Variants in ANKS1B observed in about 807,000 individuals in gnomAD.
ANKS1B encodes ankyrin repeat and sterile alpha motif domain containing 1B.
In ANKS1B, 36 loss-of-function variants were observed where a neutral mutation model predicts 148.3. The ratio of observed to expected loss-of-function variants is 0.24; its 90% CI spans 0.19 to 0.32. ANKS1B has a LOEUF of 0.32. ANKS1B is among the 10% of genes least tolerant of loss of function. The pLI is 1.00. For missense variants in ANKS1B, 1,157 were observed against 1,542.6 expected (o/e 0.75, Z 4.19); for synonymous variants, 542 against 560.8 (o/e 0.97, Z 0.47).
chr12:99,006,795 G>A (rs1457551090), intron 17 of ANKS1B, among the ~76,000 whole-genome samples: 2 of 152,228 alleles, frequency 1.3e-5, no homozygotes, highest in African/African-American at 4.8e-5. Flanking sequence ...ACTGTTCTAA[G>A]TACTTTAAAT....
At chr12:99,273,673 GT>G (rs2153990964) in intron 12 of ANKS1B, among the ~76,000 whole-genome samples, 1 of 149,654 alleles carries the variant, frequency 6.7e-6, no homozygotes, top group African/African-American at 2.5e-5. Context: ...ACCCCTCCAG[GT>G]TTAAGCAATT....
intron 16 of ANKS1B, among the ~76,000 whole-genome samples, chr12:99,065,922 C>A (rs536946843): frequency 6.6e-6 from 1 of 151,996 alleles, no homozygotes; most frequent in Non-Finnish European, 1.5e-5. Context: ...GTGGGGGGAT[C>A]GGAAGTACTG....
intron 11 of ANKS1B, among the ~76,000 whole-genome samples, chr12:99,420,152 T>G (rs1272525744): frequency 6.6e-6 from 1 of 152,174 alleles, no homozygotes; most frequent in Non-Finnish European, 1.5e-5. Flanking sequence ...AATCCAGCTC[T>G]CTCAACACTT....
At chr12:99,745,597 T>C (rs2060519643) in intron 8 of ANKS1B, among the ~76,000 whole-genome samples, 1 of 152,168 alleles carries the variant, frequency 6.6e-6, no homozygotes. Flanking sequence ...TAAAATCATT[T>C]TTAATGGTTT....
At chr12:99,446,201 A>G (rs2095635255) in intron 10 of ANKS1B, among the ~76,000 whole-genome samples, 1 of 152,026 alleles carries the variant, frequency 6.6e-6, no homozygotes. Context: ...TTCAGGCAAG[A>G]AAGCTGGAAC....
chr12:99,223,517 T>A (rs916096985), intron 14 of ANKS1B, among the ~76,000 whole-genome samples: 4 of 152,018 alleles, frequency 2.6e-5, no homozygotes, highest in Admixed American at 2.6e-4. Context: ...TAGATTCTCA[T>A]AAGGAGCACA....
At chr12:99,138,759 T>C (rs1263295520) in intron 15 of ANKS1B, among the ~76,000 whole-genome samples, 1 of 152,150 alleles carries the variant, frequency 6.6e-6, no homozygotes. Flanking sequence ...ACCATCTTTG[T>C]TCATTGTTCC....
intron 9 of ANKS1B, among the ~76,000 whole-genome samples, chr12:99,627,868 G>T (rs1184284270): frequency 6.6e-6 from 1 of 152,118 alleles, no homozygotes; most frequent in East Asian, 1.9e-4. Context: ...GAAGGAAATG[G>T]ACCTTAAAGT....
intron 16 of ANKS1B, among the ~76,000 whole-genome samples, chr12:99,069,172 G>C (rs895837034): frequency 2.0e-5 from 3 of 152,122 alleles, no homozygotes; most frequent in Non-Finnish European, 4.4e-5. Flanking sequence ...GTTTGCAGAC[G>C]TTATGCCTCT....
intron 22 of ANKS1B, among the ~76,000 whole-genome samples, chr12:98,790,995 A>G (rs1334155643): frequency 1.3e-5 from 2 of 152,208 alleles, no homozygotes; most frequent in Non-Finnish European, 2.9e-5. Context: ...TTTGAAGACA[A>G]TATGGAATAA....
At chr12:99,657,897 CAAAAA>C (rs58151526) in intron 8 of ANKS1B, among the ~76,000 whole-genome samples, 1,308 of 75,374 alleles carry the variant, frequency 0.017, 24 homozygotes, top group Middle Eastern at 0.042. Context: ...TCTCCTCCCT[CAAAAA>C]AAAAAAAAAA....
chr12:98,965,148 C>T (rs2099876745), intron 17 of ANKS1B, among the ~76,000 whole-genome samples: 1 of 151,948 alleles, frequency 6.6e-6, no homozygotes, highest in Non-Finnish European at 1.5e-5. Flanking sequence ...TCATTCAATT[C>T]AAATAATATT....
chr12:99,271,786 G>A (rs1213585134), intron 12 of ANKS1B, among the ~76,000 whole-genome samples: 1 of 150,902 alleles, frequency 6.6e-6, no homozygotes, highest in Non-Finnish European at 1.5e-5. Flanking sequence ...AGGACCTGTT[G>A]GTGGGGAAGA....
intron 17 of ANKS1B, among the ~76,000 whole-genome samples, chr12:98,987,814 G>T (rs2099924344): frequency 6.6e-6 from 1 of 152,128 alleles, no homozygotes; most frequent in South Asian, 2.1e-4. Flanking sequence ...ACCCCAAAGG[G>T]TGAGCCTGAA....
At chr12:99,821,394 A>T (rs1375858349) in intron 2 of ANKS1B, among the ~76,000 whole-genome samples, 1 of 151,972 alleles carries the variant, frequency 6.6e-6, no homozygotes, top group Non-Finnish European at 1.5e-5. Flanking sequence ...AAAAATAGCT[A>T]ATCAAATTAT....
chr12:98,923,580 T>C (rs1344834098), intron 17 of ANKS1B, among the ~76,000 whole-genome samples: 1 of 152,210 alleles, frequency 6.6e-6, no homozygotes, highest in Non-Finnish European at 1.5e-5. Flanking sequence ...TCCATCCTAG[T>C]TGAATGGAGT....
chr12:98,952,170 T>G (rs1335324596), intron 17 of ANKS1B, among the ~76,000 whole-genome samples: 2 of 152,216 alleles, frequency 1.3e-5, no homozygotes, highest in Non-Finnish European at 2.9e-5. Context: ...TTAAAATTAT[T>G]TATGATTTCA....
At chr12:99,966,074 A>G (rs1057225918) in intron 1 of ANKS1B, among the ~76,000 whole-genome samples, 41 of 152,224 alleles carry the variant, frequency 2.7e-4, no homozygotes, top group African/African-American at 9.9e-4. Flanking sequence ...AATTATTCAC[A>G]CTCAAGAAGA....
At chr12:99,659,161 C>G (rs1288703994) in intron 8 of ANKS1B, among the ~76,000 whole-genome samples, 1 of 152,020 alleles carries the variant, frequency 6.6e-6, no homozygotes, top group Non-Finnish European at 1.5e-5. Flanking sequence ...AGCACTGCCC[C>G]CTAAAGACAG....
Sources: allele counts gnomAD v4.1 joint callset (sites outside exome capture counted in the v4.1 genomes callset), GRCh38; gene constraint gnomAD v4.1.1; transcripts MANE v1.5; gene names NCBI Gene and HGNC (gene_info 2026-07-23, HGNC 2026-07-21).